Variants in ABCB5 observed in about 807,000 individuals in gnomAD.
ABCB5 encodes ATP binding cassette subfamily B member 5, also known as ATP-binding cassette sub-family B member 5.
A neutral mutation model predicts 144.2 loss-of-function variants in ABCB5; 155 were observed. The ratio of observed to expected loss-of-function variants is 1.08; its 90% CI spans 0.94 to 1.23. The LOEUF (loss-of-function observed/expected upper bound fraction) is 1.23. Ranked by LOEUF, ABCB5 falls within the 50% of genes most tolerant of loss-of-function variation. The pLI is 0.00. For synonymous variants in ABCB5, 610 were observed against 528.6 expected, an observed-to-expected ratio of 1.15 and a Z score of -2.11; for missense variants, 1,830 against 1,520.8, an observed-to-expected ratio of 1.20 and a Z score of -3.38.
chr7:20,697,078 T>G (rs1269710402), intron 16 of ABCB5, among the ~76,000 whole-genome samples: 1 of 152,170 alleles, frequency 6.6e-6, no homozygotes, highest in Admixed American at 6.6e-5. Context: ...ACTTTTTAAA[T>G]TTTTGTACAT....
rs113593309 is a variant in ABCB5 at position 20,682,244 on chromosome 7, A to C, written c.1869+578A>C. The stretch of plus-strand genomic sequence containing the variant: ...CAAACAAACAAAAACTTGTATGTGG[A>C]AGATACTGTGATGTTTGGTTAGAAC... On this transcript the variant is annotated intron_variant, in intron 15 of 27. Coordinates refer to ENST00000404938, the MANE Select transcript of ABCB5 (RefSeq NM_001163941.2). Among the ~76,000 whole-genome samples, 482 of 152,322 alleles carry C rather than the reference A, an allele frequency of 3.2e-3. 4 individuals are homozygous for C. The highest frequency in any genetic ancestry group is 0.011 in the African/African-American group (455 of 41,576).
At chr7:20,698,286 C>A in intron 16 of ABCB5, 121 bp from the exon 17 acceptor site, 1 of 797,952 alleles carries the variant, frequency 1.3e-6, no homozygotes. Flanking sequence ...AAAATATTTT[C>A]TACCCTGCTG....
At chr7:20,724,584 G>A (rs191561642) in intron 21 of ABCB5, among the ~76,000 whole-genome samples, 22 of 141,098 alleles carry the variant, frequency 1.6e-4, no homozygotes, top group African/African-American at 5.6e-4. Flanking sequence ...AGCTGAGATT[G>A]CACCACTGCA....
At chr7:20,665,768 G>GATACATACATAC (rs67828264) in intron 14 of ABCB5, among the ~76,000 whole-genome samples, 2 of 125,488 alleles carry the variant, frequency 1.6e-5, no homozygotes, top group Admixed American at 8.2e-5. Context: ...GATAGATAGA[G>GATACATACATAC]ATACATACAT....
In ABCB5 at chr7:20,745,518, A is replaced by G. The variant is rs992407004; in HGVS notation, c.3429+80A>G. Reference sequence around the variant, plus strand: ...CTACTGGGCCTATGCAGTTGTTTTTATGTATTCCTTGGATTATACAATGTA... The same window carrying G: ...CTACTGGGCCTATGCAGTTGTTTTTGTGTATTCCTTGGATTATACAATGTA... On this transcript the variant is annotated intron_variant, in intron 26 of 27. Transcript: ENST00000404938. The G allele has an allele frequency of 5.6e-6, 7 of 1,243,712 alleles. No individual in the cohort carries two copies. The African/African-American group carries it at 1.1e-4, about 19-fold the overall frequency. The allele number at this position is 1,243,712 out of a possible 1,614,324, so 77.0% of individuals were successfully genotyped here.
intron 19 of ABCB5, among the ~76,000 whole-genome samples, chr7:20,702,286 T>C (rs1469320074): frequency 3.3e-5 from 5 of 152,216 alleles, no homozygotes; most frequent in Non-Finnish European, 5.9e-5. Context: ...AAGTTTATTT[T>C]TCCCCATTTC....
intron 20 of ABCB5, among the ~76,000 whole-genome samples, chr7:20,721,452 T>C (rs1405200692): frequency 2.0e-5 from 3 of 152,256 alleles, no homozygotes; most frequent in Admixed American, 1.3e-4. Flanking sequence ...AGTACCTTTA[T>C]ATATTAGCTC....
At chr7:20,690,779 A>T (rs1562564216) in intron 16 of ABCB5, among the ~76,000 whole-genome samples, 1 of 152,244 alleles carries the variant, frequency 6.6e-6, no homozygotes, top group Non-Finnish European at 1.5e-5. Flanking sequence ...AAAAGTCACT[A>T]GTGAAGGGAT....
In ABCB5 at chr7:20,704,806, G is replaced by C; in HGVS notation, c.2420G>C (p.Gly807Ala). The C allele has an allele frequency of 6.2e-7, 1 of 1,609,814 alleles. No homozygotes were observed. Among genetic ancestry groups the C allele is most frequent in the Non-Finnish European group, 8.5e-7 (1 of 1,176,618 alleles). The stretch of plus-strand genomic sequence containing the variant: ...GCCATAGATATAGCACAAATTCAAG[G>C]AGTATGTATATTGTTTTTATTGTAA... ...ILAIDIAQIQ[G>A]ATGSRIGVLT... Residue 807 changes from glycine to alanine, a missense_variant and splice_region_variant, in exon 20 of 28, where the codon GGA becomes GCA. Coordinates refer to ENST00000404938, the MANE Select transcript of ABCB5 (RefSeq NM_001163941.2).
intron 27 of ABCB5, among the ~76,000 whole-genome samples, chr7:20,754,812 C>G (rs1264509466): frequency 6.6e-6 from 1 of 152,110 alleles, no homozygotes; most frequent in African/African-American, 2.4e-5. Context: ...AGTAGAAATA[C>G]TACTATAATT....
intron 5 of ABCB5, among the ~76,000 whole-genome samples, chr7:20,642,382 G>A (rs1293332597): frequency 3.3e-5 from 5 of 152,054 alleles, no homozygotes; most frequent in Admixed American, 6.6e-5. Context: ...TTAATTTCAC[G>A]TTTTGGATCC....
At chr7:20,741,467 C>G (rs994756710) in intron 24 of ABCB5, among the ~76,000 whole-genome samples, 2 of 151,610 alleles carry the variant, frequency 1.3e-5, no homozygotes, top group Non-Finnish European at 2.9e-5. Flanking sequence ...ATTTTTTATA[C>G]AAATAATATT....
chr7:20,755,717 T>A lies in ABCB5; in HGVS notation c.*93T>A. On this transcript the variant is annotated 3_prime_UTR_variant, in exon 28 of 28. Transcript: ENST00000404938. Reference sequence around the variant, plus strand: ...GCAAGCTTTGATCTCTTTTATTGCATATATCAATACCTAGAATCATGCTAC... The same window carrying A: ...GCAAGCTTTGATCTCTTTTATTGCAAATATCAATACCTAGAATCATGCTAC... 9.1e-7 allele frequency: 1 copy of A among 1,100,098 alleles called. No individual in the cohort carries two copies. Among genetic ancestry groups the A allele is most frequent in the Non-Finnish European group, 1.3e-6 (1 of 749,866 alleles). The allele number at this position is 1,100,098 out of a possible 1,614,324, so 68.1% of individuals were successfully genotyped here. A position where few individuals can be genotyped will look rare whatever the true frequency, so the allele number is the denominator to read the frequency against.
intron 15 of ABCB5, among the ~76,000 whole-genome samples, chr7:20,682,015 G>A (rs1391398732): frequency 6.6e-6 from 1 of 152,050 alleles, no homozygotes; most frequent in Non-Finnish European, 1.5e-5. Flanking sequence ...GACCATGCTG[G>A]CCAACATGGT....
chr7:20,620,295 C>A (rs890606321), intron 1 of ABCB5, among the ~76,000 whole-genome samples: 1 of 151,896 alleles, frequency 6.6e-6, no homozygotes, highest in African/African-American at 2.4e-5. Flanking sequence ...GAAAATTATC[C>A]AACTCCAGAA....
In ABCB5 at chr7:20,697,596, C is replaced by T. The variant is rs78665606; in HGVS notation, c.2011-811C>T. ...CACTACCTCCCCTTGTCACCTTCCA[C>T]GTCTCCTAGGAAGGGCTGGCAGACC... On this transcript the variant is annotated intron_variant, in intron 16 of 27. Coordinates refer to ENST00000404938, the MANE Select transcript of ABCB5 (RefSeq NM_001163941.2). Among the ~76,000 whole-genome samples, 1,153 of 152,318 alleles carry T rather than the reference C, an allele frequency of 7.6e-3. 5 individuals are homozygous for T. The highest frequency in any genetic ancestry group is 0.012 in the Non-Finnish European group (847 of 68,030).
intron 2 of ABCB5, among the ~76,000 whole-genome samples, chr7:20,624,788 G>T (rs181204166): frequency 6.6e-6 from 1 of 152,272 alleles, no homozygotes; most frequent in East Asian, 1.9e-4. Flanking sequence ...ACCAGCAACG[G>T]GCACGCTAGG....
At chr7:20,738,237 A>G (rs1392869632) in intron 23 of ABCB5, among the ~76,000 whole-genome samples, 1 of 152,250 alleles carries the variant, frequency 6.6e-6, no homozygotes, top group Non-Finnish European at 1.5e-5. Context: ...ATTCTAGTAC[A>G]CTACTTTCAT....
At chr7:20,725,015 T>C (rs1781991395) in intron 21 of ABCB5, among the ~76,000 whole-genome samples, 1 of 152,346 alleles carries the variant, frequency 6.6e-6, no homozygotes, top group Non-Finnish European at 1.5e-5. Flanking sequence ...TCTAAATTAA[T>C]GAGGCCTAAT....
Sources: gnomAD v4.1 joint callset for allele counts (sites outside exome capture counted in the v4.1 genomes callset) on GRCh38, gnomAD v4.1.1 for gene constraint, MANE v1.5 for transcripts, NCBI Gene and HGNC (gene_info 2026-07-23, HGNC 2026-07-21) for gene names.